ABI3BP: variants seen among roughly 807,000 people sequenced by gnomAD.
ABI3BP encodes ABI family member 3 binding protein.
Under a neutral mutation model 268.6 loss-of-function variants are expected in ABI3BP, and 216 were observed. That is an observed-to-expected ratio of 0.80 (90% CI 0.72 to 0.90). ABI3BP has a LOEUF of 0.90. Among genes scored for constraint, ABI3BP ranks in the 40% least tolerant of loss-of-function variants. The probability of loss-of-function intolerance (pLI) is 0.00; values close to 1 mark genes in which losing one functional copy is unlikely to be tolerated. For missense variants in ABI3BP, 2,090 were observed against 2,182.4 expected, an observed-to-expected ratio of 0.96 and a Z score of 0.84; for synonymous variants, 730 against 730.0, an observed-to-expected ratio of 1.00 and a Z score of 0.00.
intron 9 of ABI3BP, among the ~76,000 whole-genome samples, chr3:100,868,613 T>C (rs1199105175): frequency 3.3e-5 from 5 of 152,212 alleles, no homozygotes; most frequent in Admixed American, 6.5e-5. Context: ...CAATCCCTAC[T>C]TGATAAAGGC....
chr3:100,983,892 T>G (rs2090673205), intron 1 of ABI3BP, among the ~76,000 whole-genome samples: 1 of 152,192 alleles, frequency 6.6e-6, no homozygotes, highest in Non-Finnish European at 1.5e-5. Context: ...TTTATATAGC[T>G]TCAGGAGGGA....
At chr3:100,938,831 G>A (rs988494296) in intron 1 of ABI3BP, among the ~76,000 whole-genome samples, 1 of 152,116 alleles carries the variant, frequency 6.6e-6, no homozygotes, top group African/African-American at 2.4e-5. Context: ...TTGTAGAGAT[G>A]AACAAAGTCA....
chr3:100,813,671 TTC>T lies in ABI3BP; in HGVS notation c.3352_3353del (p.Glu1118LysfsTer6). The part of the protein sequence containing the change: ...PVTSPSLEMT[E>X]SQPVSDVLES... The stretch of plus-strand genomic sequence containing the variant: ...AAACAATCTATTTACCAGGTTGACT[TTC>T]TGTCATTTCTAGGCTTGGTGATGTC... On this transcript the variant is annotated frameshift_variant, in exon 45 of 68. Coordinates refer to ENST00000471714, the MANE Select transcript of ABI3BP (RefSeq NM_001375547.2). LOFTEE classifies it high-confidence loss of function. 2.6e-6 allele frequency: 4 copies of T among 1,535,160 alleles called. No homozygotes were observed. The highest frequency in any genetic ancestry group is 2.0e-5 in the Admixed American group (1 of 50,974).
intron 1 of ABI3BP, among the ~76,000 whole-genome samples, chr3:100,982,709 AG>A (rs1053156049): frequency 6.6e-6 from 1 of 152,074 alleles, no homozygotes; most frequent in Non-Finnish European, 1.5e-5. Flanking sequence ...TCTTGTAAAA[AG>A]GAATAGTTAG....
intron 38 of ABI3BP, 45 bp downstream of exon 38, chr3:100,822,544 G>T: frequency 6.6e-7 from 1 of 1,505,264 alleles, no homozygotes. Flanking sequence ...AGACCCTACT[G>T]GCTTAGGCTG....
At chr3:100,876,458 G>A in intron 7 of ABI3BP, 54 bp downstream of exon 7, 4 of 1,472,604 alleles carry the variant, frequency 2.7e-6, no homozygotes, top group Non-Finnish European at 2.8e-6. Flanking sequence ...GATTACCTTA[G>A]CTAAAAGTAT....
chr3:100,795,214 G>A (rs73152405), intron 53 of ABI3BP, among the ~76,000 whole-genome samples: 21,453 of 152,010 alleles, frequency 0.14, 1,910 homozygotes, highest in South Asian at 0.27. Context: ...ATGACATTCT[G>A]TTCTTGAACC....
chr3:100,828,410 G>A lies in ABI3BP; in HGVS notation c.2585C>T (p.Ala862Val), dbSNP rs1177943050. ...IFEPVSPIKE[A>V]PGTTFVPVTD... The stretch of plus-strand genomic sequence containing the variant: ...GGCATTACCGAATGTTGTCCCTGGA[G>A]CCTCTTTTATAGGAGAAACTGGTTC... The change falls in exon 34 of 68, where the codon GCT (alanine) becomes GTT (valine). Residue 862 changes from alanine (A) to valine (V), a missense_variant. Transcript: ENST00000471714. 15 of 1,535,350 alleles carry A rather than the reference G, an allele frequency of 9.8e-6. No homozygotes were observed. Among genetic ancestry groups the A allele is most frequent in the Non-Finnish European group, 1.2e-5 (14 of 1,146,378 alleles).
At position 100,749,609 on chromosome 3, in the gene ABI3BP, C is replaced by T. The variant is rs942710014; in HGVS notation, c.*886G>A. 11 of 397,898 alleles carry T rather than the reference C, an allele frequency of 2.8e-5. No homozygotes were observed. The highest frequency in any genetic ancestry group is 6.3e-4 in the Middle Eastern group (1 of 1,600). 24.6% of individuals were successfully genotyped at this position (397,898 alleles called of 1,614,324 possible). ...ATACATTCATTCATAGAGGTCTTAA[C>T]GTATAAATACATAGTAAATATCCTA... On this transcript the variant is annotated 3_prime_UTR_variant, in exon 68 of 68. Coordinates refer to ENST00000471714, the MANE Select transcript of ABI3BP (RefSeq NM_001375547.2).
intron 27 of ABI3BP, among the ~76,000 whole-genome samples, chr3:100,836,474 C>CACAA (rs1168595516): frequency 6.6e-6 from 1 of 152,062 alleles, no homozygotes; most frequent in Non-Finnish European, 1.5e-5. Context: ...GACATCATAG[C>CACAA]ACAAAGTTGG....
chr3:100,969,736 G>A (rs2082764181), intron 1 of ABI3BP, among the ~76,000 whole-genome samples: 1 of 152,212 alleles, frequency 6.6e-6, no homozygotes. Flanking sequence ...TAGAGTCAGG[G>A]TGGAGTAGGA....
Position 100,765,844 on chromosome 3 carries a change from G to A in ABI3BP, c.4847C>T (p.Thr1616Met), listed in dbSNP as rs762809590. 2.6e-5 allele frequency: 42 copies of A among 1,603,276 alleles called. No homozygotes were observed. The highest frequency in any genetic ancestry group is 3.5e-5 in the Non-Finnish European group (41 of 1,173,108). Residue 1616 changes from threonine (T) to methionine (M), a missense_variant, in exon 63 of 68, where the codon ACG becomes ATG. Physicochemically the swap from Thr to Met is moderately conservative, Grantham distance 81 (BLOSUM62 -1). Transcript: ENST00000471714. ...FSTVENLKPN[T>M]SYEFQVKPKN... Reference sequence around the variant, plus strand: ...TGGAATAGCACTGGTGGCTTACCTCGTGTTTGGTTTCAGATTTTCTACTGT... The same window carrying A: ...TGGAATAGCACTGGTGGCTTACCTCATGTTTGGTTTCAGATTTTCTACTGT...
chr3:100,810,614 A>C, intron 48 of ABI3BP, 137 bp from the exon 49 acceptor site: 1 of 571,442 alleles, frequency 1.7e-6, no homozygotes, highest in East Asian at 2.9e-5. Context: ...CAGCATTCCT[A>C]CTCCTTCATA....
At chr3:100,821,256 G>A (rs1034629209) in intron 38 of ABI3BP, 143 bp from the exon 39 acceptor site, 3 of 687,106 alleles carry the variant, frequency 4.4e-6, no homozygotes, top group African/African-American at 1.8e-5. Flanking sequence ...AACTAAAAAA[G>A]TAGACAGTTG....
intron 2 of ABI3BP, among the ~76,000 whole-genome samples, chr3:100,925,828 G>A (rs1048092123): frequency 2.6e-5 from 4 of 151,370 alleles, no homozygotes; most frequent in African/African-American, 7.3e-5. Flanking sequence ...CATTTTTAAA[G>A]CAATATAAAA....
chr3:100,988,229 G>A (rs942444860), intron 1 of ABI3BP, among the ~76,000 whole-genome samples: 14 of 152,184 alleles, frequency 9.2e-5, no homozygotes, highest in Non-Finnish European at 1.8e-4. Flanking sequence ...TCAAAGTGAG[G>A]TTGGAAGGGC....
At chr3:100,888,074 C>T (rs888557347) in intron 4 of ABI3BP, among the ~76,000 whole-genome samples, 1 of 151,918 alleles carries the variant, frequency 6.6e-6, no homozygotes, top group African/African-American at 2.4e-5. Context: ...TATATTCAGC[C>T]TACTTTCTTA....
Position 100,968,075 on chromosome 3 carries a change from G to A in ABI3BP, c.79+25231C>T, listed in dbSNP as rs528460156. Among the ~76,000 whole-genome samples, 5 of 152,268 alleles carry A rather than the reference G, an allele frequency of 3.3e-5. 1 individual carries two copies. Among genetic ancestry groups the A allele is most frequent in the African/African-American group, 1.2e-4 (5 of 41,566 alleles). On this transcript the variant is annotated intron_variant, in intron 1 of 67. Transcript: ENST00000471714. Reference sequence around the variant, plus strand: ...GGACACAGGCAAGACTGCCATGGACGAGCCTGGGGAGTTCTAATAGAACAA... The same window carrying A: ...GGACACAGGCAAGACTGCCATGGACAAGCCTGGGGAGTTCTAATAGAACAA...
intron 4 of ABI3BP, among the ~76,000 whole-genome samples, chr3:100,887,008 G>A (rs1011722030): frequency 2.6e-4 from 39 of 151,696 alleles, no homozygotes; most frequent in African/African-American, 9.2e-4. Context: ...TTGAACCTAG[G>A]TTTTACATAT....
Sources: allele counts gnomAD v4.1 joint callset (sites outside exome capture counted in the v4.1 genomes callset), GRCh38; gene constraint gnomAD v4.1.1; transcripts MANE v1.5; gene names NCBI Gene and HGNC (gene_info 2026-07-23, HGNC 2026-07-21).